KCNQ3: variants seen among roughly 807,000 people sequenced by gnomAD.
KCNQ3 encodes potassium voltage-gated channel subfamily KQT member 3.
Under a neutral mutation model 92.5 loss-of-function variants are expected in KCNQ3, and 30 were observed. The ratio of observed to expected loss-of-function variants is 0.32; its 90% confidence interval spans 0.24 to 0.44. The LOEUF is 0.44. KCNQ3 is among the 20% of genes least tolerant of loss of function. KCNQ3 has a pLI of 1.00. For synonymous variants in KCNQ3, 450 were observed against 468.8 expected (o/e 0.96, Z 0.52); for missense variants, 913 against 1,140.3 (o/e 0.80, Z 2.87).
At chr8:132,376,981 G>A (rs1297276766) in intron 1 of KCNQ3, among the ~76,000 whole-genome samples, 3 of 152,176 alleles carry the variant, frequency 2.0e-5, no homozygotes, top group African/African-American at 4.8e-5. Flanking sequence ...ACACAACGAA[G>A]GAGAGAGAGA....
intron 8 of KCNQ3, among the ~76,000 whole-genome samples, chr8:132,169,497 G>A (rs1055477643): frequency 1.8e-4 from 27 of 152,162 alleles, no homozygotes; most frequent in African/African-American, 5.8e-4. Context: ...CTGAGAACAC[G>A]AAACAGCGTC....
At chr8:132,258,558 A>C (rs1488585831) in intron 1 of KCNQ3, among the ~76,000 whole-genome samples, 1 of 152,100 alleles carries the variant, frequency 6.6e-6, no homozygotes, top group South Asian at 2.1e-4. Flanking sequence ...TTCACAAAGA[A>C]GTATCTCAAA....
chr8:132,348,759 CT>C (rs1563872687), intron 1 of KCNQ3, among the ~76,000 whole-genome samples: 1 of 152,182 alleles, frequency 6.6e-6, no homozygotes, highest in East Asian at 1.9e-4. Context: ...GTGACTCCTT[CT>C]TGACTTTCTA....
At chr8:132,458,693 G>A (rs1216391587) in intron 1 of KCNQ3, among the ~76,000 whole-genome samples, 1 of 152,184 alleles carries the variant, frequency 6.6e-6, no homozygotes, top group Non-Finnish European at 1.5e-5. Flanking sequence ...GATCTCAAGT[G>A]ATCCTCCCGC....
intron 1 of KCNQ3, among the ~76,000 whole-genome samples, chr8:132,247,543 T>C (rs986113274): frequency 6.6e-6 from 1 of 152,020 alleles, no homozygotes; most frequent in Non-Finnish European, 1.5e-5. Flanking sequence ...TCTCAGCACT[T>C]TCAGAGGTCG....
intron 1 of KCNQ3, among the ~76,000 whole-genome samples, chr8:132,245,047 C>T (rs1050681974): frequency 8.6e-5 from 13 of 151,844 alleles, no homozygotes; most frequent in Admixed American, 3.9e-4. Context: ...ATATACATAC[C>T]TTTTTTTAGC....
At chr8:132,425,732 G>A (rs1205146729) in intron 1 of KCNQ3, among the ~76,000 whole-genome samples, 2 of 152,186 alleles carry the variant, frequency 1.3e-5, no homozygotes, top group Non-Finnish European at 2.9e-5. Flanking sequence ...CCGGCAGCAT[G>A]AATATGAATC....
intron 1 of KCNQ3, among the ~76,000 whole-genome samples, chr8:132,397,126 C>T (rs1399004246): frequency 1.3e-5 from 2 of 152,100 alleles, no homozygotes; most frequent in Non-Finnish European, 2.9e-5. Context: ...TCCAGTTGGT[C>T]TAGTTGGGTG....
chr8:132,350,721 C>G (rs916557021), intron 1 of KCNQ3, among the ~76,000 whole-genome samples: 1 of 152,148 alleles, frequency 6.6e-6, no homozygotes, highest in African/African-American at 2.4e-5. Flanking sequence ...GCATTCCTCA[C>G]GCACGTGAGT....
chr8:132,232,282 C>T (rs1336347964), intron 1 of KCNQ3, among the ~76,000 whole-genome samples: 6 of 152,312 alleles, frequency 3.9e-5, no homozygotes, highest in Admixed American at 3.9e-4. Context: ...AAATGGCAGA[C>T]TCCAATTAAG....
chr8:132,354,906 G>A (rs367885118), intron 1 of KCNQ3, among the ~76,000 whole-genome samples: 5 of 152,142 alleles, frequency 3.3e-5, no homozygotes, highest in African/African-American at 1.2e-4. Flanking sequence ...CTGGGGATGG[G>A]TTTGAGGGAC....
At chr8:132,169,088 T>G (rs1041616268) in intron 8 of KCNQ3, among the ~76,000 whole-genome samples, 3 of 152,176 alleles carry the variant, frequency 2.0e-5, no homozygotes, top group Non-Finnish European at 4.4e-5. Context: ...CAGATGTAGC[T>G]GACATTGGTT....
At chr8:132,135,809 G>T (rs1825064053) in intron 12 of KCNQ3, among the ~76,000 whole-genome samples, 1 of 152,024 alleles carries the variant, frequency 6.6e-6, no homozygotes, top group African/African-American at 2.4e-5. Flanking sequence ...ATACTAGGAA[G>T]TCAAAGTTGA....
chr8:132,335,036 TTTC>T (rs1028021670), intron 1 of KCNQ3, among the ~76,000 whole-genome samples: 3 of 151,982 alleles, frequency 2.0e-5, no homozygotes, highest in Admixed American at 6.6e-5. Flanking sequence ...CTTGTTTTCT[TTTC>T]TTTTCTTTTT....
rs149211494 is a variant in KCNQ3, at chr8:132,375,752, G to A, written c.386+104395C>T. On this transcript the variant is annotated intron_variant, in intron 1 of 14. Transcript: ENST00000388996. Reference sequence around the variant, plus strand: ...TACACTCTCTCTCCAATGCCATCTCGGCCTCTTCTCCTGGCCCACTCCTTT... The same window carrying A: ...TACACTCTCTCTCCAATGCCATCTCAGCCTCTTCTCCTGGCCCACTCCTTT... Among the ~76,000 whole-genome samples, 456 of 152,126 alleles carry A rather than the reference G, an allele frequency of 3.0e-3. 2 individuals carry two copies. Among genetic ancestry groups the A allele is most frequent in the Admixed American group, 5.7e-3 (87 of 15,272 alleles).
At chr8:132,220,781 A>G (rs1814199789) in intron 1 of KCNQ3, among the ~76,000 whole-genome samples, 2 of 150,932 alleles carry the variant, frequency 1.3e-5, no homozygotes, top group Admixed American at 6.6e-5. Flanking sequence ...AAAATTAAAA[A>G]ATAAAAATAA....
intron 1 of KCNQ3, among the ~76,000 whole-genome samples, chr8:132,402,086 G>A (rs1820352356): frequency 6.6e-6 from 1 of 152,210 alleles, no homozygotes; most frequent in South Asian, 2.1e-4. Flanking sequence ...TTAGTCTGGG[G>A]CCACAGGCTT....
chr8:132,211,284 A>G (rs1813843294), intron 1 of KCNQ3, among the ~76,000 whole-genome samples: 1 of 152,250 alleles, frequency 6.6e-6, no homozygotes, highest in Non-Finnish European at 1.5e-5. Flanking sequence ...AAAACTGGAC[A>G]TTGGTTAGAT....
intron 1 of KCNQ3, among the ~76,000 whole-genome samples, chr8:132,296,446 T>C (rs1001253802): frequency 2.0e-5 from 3 of 152,154 alleles, no homozygotes; most frequent in Non-Finnish European, 2.9e-5. Flanking sequence ...ATGTGCAGGT[T>C]TGTTACATAT....
Sources: gnomAD v4.1 joint callset for allele counts (sites outside exome capture counted in the v4.1 genomes callset) on GRCh38, gnomAD v4.1.1 for gene constraint, MANE v1.5 for transcripts, NCBI Gene and HGNC (gene_info 2026-07-23, HGNC 2026-07-21) for gene names.